NDUFAF6: variants seen among roughly 807,000 people sequenced by gnomAD.
NDUFAF6 encodes the protein NADH:ubiquinone oxidoreductase complex assembly factor 6.
NDUFAF6 carries 45 observed loss-of-function variants against 40.8 expected under a neutral mutation model. The observed-to-expected ratio is 1.10, with a 90% CI of 0.87 to 1.42. NDUFAF6 has a LOEUF of 1.42. Ranked by LOEUF, NDUFAF6 falls within the 40% of genes most tolerant of loss-of-function variation. The pLI, the probability that NDUFAF6 is intolerant of heterozygous loss-of-function variation, is 0.00. For missense variants in NDUFAF6, 435 were observed against 418.5 expected (o/e 1.04, Z -0.34); for synonymous variants, 185 against 155.9 (o/e 1.19, Z -1.39).
At position 95,035,593 on chromosome 8, in the gene NDUFAF6, A is replaced by T. The variant is rs1251054577; in HGVS notation, c.420+17A>T. The stretch of plus-strand genomic sequence containing the variant: ...CTATGGAAGGTAAAAAAAAAAAAAT[A>T]CCACTTTTAATTTGTATGAATATTA... On this transcript the variant is annotated intron_variant, in intron 3 of 8. Coordinates refer to ENST00000396124, the MANE Select transcript of NDUFAF6 (RefSeq NM_152416.4). The T allele has an allele frequency of 7.5e-7, 1 of 1,330,430 alleles. No individual in the cohort carries two copies. Among genetic ancestry groups the T allele is most frequent in the Non-Finnish European group, 1.1e-6 (1 of 930,416 alleles). The allele number at this position is 1,330,430 out of a possible 1,614,324, so 82.4% of individuals were successfully genotyped here. A position where few individuals can be genotyped will look rare whatever the true frequency, so the allele number is the denominator to read the frequency against.
In NDUFAF6 at chr8:94,952,052, C is replaced by T. The variant is rs527875075; in HGVS notation, c.-798-5943C>T. 1.7e-3 allele frequency among the ~76,000 whole-genome samples: 255 copies of T among 152,348 alleles called. 1 individual carries two copies. The highest frequency in any genetic ancestry group is 5.9e-3 in the African/African-American group (247 of 41,584). On this transcript the variant is annotated intron_variant, in intron 2 of 14. Transcript: ENST00000396113. ...GCTATAGTACCCACTTCCAGGCTGA[C>T]CCCCTGCTGTGGGGGTGACCCTTTC...
downstream of NDUFAF6, among the ~76,000 whole-genome samples, chr8:95,063,706 T>G (rs1832627377): frequency 6.6e-6 from 1 of 152,180 alleles, no homozygotes; most frequent in African/African-American, 2.4e-5. Context: ...TATAATAATA[T>G]CCTGTGTGTT....
At chr8:94,900,254 GC>G (rs1817929545) in intron 1 of NDUFAF6, among the ~76,000 whole-genome samples, 1 of 151,582 alleles carries the variant, frequency 6.6e-6, no homozygotes, top group South Asian at 2.1e-4. Flanking sequence ...AGGGGAGGGG[GC>G]AGAGGTGTGC....
intron 1 of NDUFAF6, chr8:95,101,105 G>A (rs1809633462): frequency 6.6e-6 from 1 of 152,130 alleles, no homozygotes. Flanking sequence ...TATAGTAATT[G>A]CCTGCAATAC....
At chr8:95,000,962 T>TC (rs936636031) in intron 2 of NDUFAF6, among the ~76,000 whole-genome samples, 3 of 150,846 alleles carry the variant, frequency 2.0e-5, no homozygotes, top group African/African-American at 7.3e-5. Context: ...TACTTTTTTT[T>TC]TTTTTTTTTT....
At chr8:95,098,689 A>C (rs1587273781), upstream of NDUFAF6, among the ~76,000 whole-genome samples, 1 of 152,116 alleles carries the variant, frequency 6.6e-6, no homozygotes, top group East Asian at 1.9e-4. Flanking sequence ...AAAAAAACTA[A>C]GTCTTATTAA....
chr8:95,028,246 T>C (rs1828415949), intron 1 of NDUFAF6, among the ~76,000 whole-genome samples: 1 of 152,212 alleles, frequency 6.6e-6, no homozygotes, highest in Non-Finnish European at 1.5e-5. Context: ...TGCATAGATG[T>C]TAGAATGAAT....
At chr8:95,000,038 G>A (rs1314851669) in intron 2 of NDUFAF6, among the ~76,000 whole-genome samples, 1 of 126,752 alleles carries the variant, frequency 7.9e-6, no homozygotes, top group Non-Finnish European at 1.7e-5. Flanking sequence ...AGTGAGACAG[G>A]CTGTATTTTT....
At chr8:94,958,522 C>CTTTTTTTTTTTTTTTTTTTTTTT (rs55703438) in intron 1 of NDUFAF6, among the ~76,000 whole-genome samples, 1 of 71,244 alleles carries the variant, frequency 1.4e-5, no homozygotes, top group African/African-American at 5.9e-5. Context: ...TAGTCACATT[C>CTTTTTTTTTTTTTTTTTTTTTTT]TTTTTTTTTT....
chr8:94,898,371 A>G (rs1817791943), intron 1 of NDUFAF6, among the ~76,000 whole-genome samples: 1 of 152,130 alleles, frequency 6.6e-6, no homozygotes, highest in Non-Finnish European at 1.5e-5. Flanking sequence ...TTTTGTTTTG[A>G]TGACCTTAAC....
At chr8:94,971,970 G>A (rs1824503867) in intron 1 of NDUFAF6, among the ~76,000 whole-genome samples, 1 of 152,018 alleles carries the variant, frequency 6.6e-6, no homozygotes, top group African/African-American at 2.4e-5. Context: ...TGACTCATCT[G>A]CAAATTGAAG....
At chr8:95,054,091 T>C (rs970440319) in intron 8 of NDUFAF6, among the ~76,000 whole-genome samples, 1 of 151,746 alleles carries the variant, frequency 6.6e-6, no homozygotes, top group East Asian at 1.9e-4. Flanking sequence ...CACAGGCATG[T>C]ATCACCACAC....
chr8:94,901,183 T>C (rs1159588925), intron 1 of NDUFAF6, among the ~76,000 whole-genome samples: 1 of 152,128 alleles, frequency 6.6e-6, no homozygotes, highest in Non-Finnish European at 1.5e-5. Flanking sequence ...GCATATTTAG[T>C]GCACAACGAG....
At chr8:95,077,420 G>A (rs1328889048), downstream of NDUFAF6, among the ~76,000 whole-genome samples, 1 of 152,134 alleles carries the variant, frequency 6.6e-6, no homozygotes, top group Non-Finnish European at 1.5e-5. Flanking sequence ...TTTCTATCCG[G>A]TAACTGAGAT....
At position 94,936,597 on chromosome 8, in the gene NDUFAF6, A is replaced by G. The variant is rs144715938; in HGVS notation, c.-935-8886A>G. Among the ~76,000 whole-genome samples the G allele has an allele frequency of 1.5e-4, 23 of 152,260 alleles. 1 individual carries two copies. Among genetic ancestry groups the G allele is most frequent in the African/African-American group, 5.3e-4 (22 of 41,558 alleles). ...CCTAGGTTTGGGTTTTTACTGACTC[A>G]TGGGCAGTGGCTAGTGGACATGGTC... On this transcript the variant is annotated intron_variant, in intron 1 of 14. Coordinates refer to the NDUFAF6 transcript ENST00000396113.
At chr8:94,897,516 C>T (rs1817713008) in intron 1 of NDUFAF6, among the ~76,000 whole-genome samples, 1 of 152,114 alleles carries the variant, frequency 6.6e-6, no homozygotes, top group South Asian at 2.1e-4. Flanking sequence ...AAGTATATTT[C>T]CCCTATTGTA....
intron 2 of NDUFAF6, among the ~76,000 whole-genome samples, chr8:94,983,018 A>G (rs1028649089): frequency 2.6e-5 from 4 of 152,124 alleles, no homozygotes; most frequent in Non-Finnish European, 5.9e-5. Context: ...GCAGACCACC[A>G]TCTCCCTAAG....
At chr8:95,073,300 G>GT (rs1235820630) in intron 9 of NDUFAF6, 1 of 152,240 alleles carries the variant, frequency 6.6e-6, no homozygotes, top group Non-Finnish European at 1.5e-5. Flanking sequence ...GGGTCTCCCC[G>GT]TTTTTTCCTC....
At chr8:94,922,709 C>T (rs1440953427) in intron 1 of NDUFAF6, among the ~76,000 whole-genome samples, 1 of 151,826 alleles carries the variant, frequency 6.6e-6, no homozygotes, top group Admixed American at 6.6e-5. Flanking sequence ...GAACTCCTGA[C>T]CTCAGGTGAT....
Sources: allele counts gnomAD v4.1 joint callset (sites outside exome capture counted in the v4.1 genomes callset), GRCh38; gene constraint gnomAD v4.1.1; transcripts MANE v1.5; gene names NCBI Gene and HGNC (gene_info 2026-07-23, HGNC 2026-07-21).